Variants in ADAM22 observed in about 807,000 individuals in gnomAD.
The protein encoded by ADAM22 is disintegrin and metalloproteinase domain-containing protein 22.
ADAM22 carries 65 observed loss-of-function variants against 144.6 expected under a neutral mutation model. That is an observed-to-expected ratio of 0.45 (90% CI 0.37 to 0.55). ADAM22 has a LOEUF of 0.55. Among genes scored for constraint, ADAM22 ranks in the 20% least tolerant of loss-of-function variants. The probability of loss-of-function intolerance (pLI) is 0.00; values close to 1 mark genes in which losing one functional copy is unlikely to be tolerated. For synonymous variants in ADAM22, 391 were observed against 412.6 expected (o/e 0.95, Z 0.63); for missense variants, 974 against 1,184.9 (o/e 0.82, Z 2.61).
intron 30 of ADAM22, among the ~76,000 whole-genome samples, chr7:88,188,076 G>T (rs1848723305): frequency 6.6e-6 from 1 of 151,906 alleles, no homozygotes; most frequent in Non-Finnish European, 1.5e-5. Context: ...CTGTTATTTG[G>T]AATCTTGGCT....
chr7:88,107,236 C>G (rs948824097), intron 4 of ADAM22, among the ~76,000 whole-genome samples: 1 of 115,396 alleles, frequency 8.7e-6, no homozygotes, highest in African/African-American at 3.4e-5. Flanking sequence ...GACAGGGTCT[C>G]TATCGCCCAG....
At chr7:88,121,896 G>T (rs150713902) in intron 7 of ADAM22, among the ~76,000 whole-genome samples, 147 of 152,298 alleles carry the variant, frequency 9.7e-4, no homozygotes, top group African/African-American at 3.4e-3. Flanking sequence ...TATTGCTGAG[G>T]AATTCATTTT....
At chr7:88,046,065 T>G (rs1804618365) in intron 3 of ADAM22, among the ~76,000 whole-genome samples, 1 of 152,190 alleles carries the variant, frequency 6.6e-6, no homozygotes, top group South Asian at 2.1e-4. Flanking sequence ...GATTTCATTT[T>G]CTTTGGATGC....
intron 3 of ADAM22, among the ~76,000 whole-genome samples, chr7:88,011,564 C>T (rs1179956453): frequency 6.6e-6 from 1 of 151,402 alleles, no homozygotes; most frequent in East Asian, 1.9e-4. Context: ...AAGAAAAACA[C>T]TGCGTTTTTG....
At chr7:88,037,469 A>T (rs1801787900) in intron 3 of ADAM22, among the ~76,000 whole-genome samples, 1 of 152,180 alleles carries the variant, frequency 6.6e-6, no homozygotes, top group African/African-American at 2.4e-5. Flanking sequence ...AAAGGGAAAG[A>T]TGAGAGGACA....
At chr7:88,020,970 C>T (rs528052229) in intron 3 of ADAM22, among the ~76,000 whole-genome samples, 1 of 152,202 alleles carries the variant, frequency 6.6e-6, no homozygotes, top group South Asian at 2.1e-4. Flanking sequence ...GAGTCAGAAA[C>T]CCCTGAGAGG....
rs1176753820 is a variant in ADAM22 at position 87,963,448 on chromosome 7, A to T, written c.247-14888A>T. On this transcript the variant is annotated intron_variant, in intron 2 of 31. Coordinates refer to ENST00000413139, the MANE Select transcript of ADAM22 (RefSeq NM_001324418.2). ...CTCAGAGCAACAAGAAGTTTAAAAA[A>T]AACTATTATAAAATATAGAAAGAAT... 2.6e-5 allele frequency among the ~76,000 whole-genome samples: 4 copies of T among 152,374 alleles called. No individual in the cohort carries two copies. The East Asian group carries it at 7.7e-4, about 29-fold the overall frequency.
At chr7:88,144,128 C>T (rs1025320555) in intron 15 of ADAM22, among the ~76,000 whole-genome samples, 1 of 152,086 alleles carries the variant, frequency 6.6e-6, no homozygotes, top group Non-Finnish European at 1.5e-5. Context: ...TATTTAAAAT[C>T]AAGTGGGTTT....
chr7:88,087,167 A>T (rs1418525125), intron 4 of ADAM22, among the ~76,000 whole-genome samples: 1 of 152,192 alleles, frequency 6.6e-6, no homozygotes, highest in African/African-American at 2.4e-5. Context: ...AATGTACACC[A>T]TACATTCGGT....
At chr7:88,188,948 C>T (rs946769673) in intron 30 of ADAM22, among the ~76,000 whole-genome samples, 47 of 152,348 alleles carry the variant, frequency 3.1e-4, no homozygotes, top group African/African-American at 1.1e-3. Context: ...CCTGCCTCAG[C>T]CTCCCAGAGT....
At chr7:88,039,464 A>AAAAAAAAAAAAAAAAATATATAT in intron 3 of ADAM22, among the ~76,000 whole-genome samples, 3 of 76,404 alleles carry the variant, frequency 3.9e-5, no homozygotes, top group African/African-American at 9.5e-5. Flanking sequence ...AAAAAAAAAA[A>AAAAAAAAAAAAAAAAATATATAT]ATATATATAT....
chr7:88,137,107 A>G (rs1833165811), intron 14 of ADAM22, among the ~76,000 whole-genome samples: 2 of 152,102 alleles, frequency 1.3e-5, no homozygotes, highest in Non-Finnish European at 2.9e-5. Context: ...ACTGTATAGT[A>G]TGTATGTGTG....
At chr7:88,075,791 T>C (rs1333076573) in intron 4 of ADAM22, 99 bp downstream of exon 4, 1 of 930,944 alleles carries the variant, frequency 1.1e-6, no homozygotes, top group African/African-American at 1.7e-5. Context: ...ATGTACAGTT[T>C]TGAGGGTTTT....
chr7:88,139,528 G>C (rs1834001004), intron 14 of ADAM22, among the ~76,000 whole-genome samples: 1 of 152,086 alleles, frequency 6.6e-6, no homozygotes, highest in South Asian at 2.1e-4. Flanking sequence ...ATAGATTAGA[G>C]GAAAAGGTGA....
intron 4 of ADAM22, among the ~76,000 whole-genome samples, chr7:88,076,665 C>G (rs551337999): frequency 3.3e-5 from 5 of 152,266 alleles, no homozygotes; most frequent in African/African-American, 4.8e-5. Context: ...ATAAAAGCCT[C>G]CACCAGCTAG....
At position 88,171,509 on chromosome 7, in the gene ADAM22, T is replaced by C. The variant is rs199546460; in HGVS notation, c.2283-35T>C. 1.9e-4 allele frequency: 298 copies of C among 1,578,854 alleles called. 1 individual carries two copies. Among genetic ancestry groups the C allele is most frequent in the South Asian group, 1.4e-4 (12 of 85,066 alleles). On this transcript the variant is annotated intron_variant, in intron 25 of 31. Coordinates refer to ENST00000413139, the MANE Select transcript of ADAM22 (RefSeq NM_001324418.2). Reference sequence around the variant, plus strand: ...TCCTTCCAGAGGTAACTAACTCTTATGTTTTTCCCTCTTTCTCTTCTTGTC... The same window carrying C: ...TCCTTCCAGAGGTAACTAACTCTTACGTTTTTCCCTCTTTCTCTTCTTGTC...
At chr7:88,131,457 G>A (rs375578199) in intron 11 of ADAM22, 22 bp downstream of exon 11, 16 of 1,607,910 alleles carry the variant, frequency 1.0e-5, no homozygotes, top group Non-Finnish European at 1.4e-5. Context: ...CTGTAATGAT[G>A]TATTACTTTT....
chr7:88,007,737 T>C (rs936065446), intron 3 of ADAM22, among the ~76,000 whole-genome samples: 11 of 151,910 alleles, frequency 7.2e-5, no homozygotes, highest in African/African-American at 2.4e-4. Context: ...ACACCTTATA[T>C]AAAAATTAAT....
In ADAM22 at chr7:88,186,198, T is replaced by G. The variant is rs565604835; in HGVS notation, c.2664-417T>G. ...GTTCTTAGGGTGTTGTATGCCCAAA[T>G]GCCAGATTGGAATTGCAGCCATCTG... On this transcript the variant is annotated intron_variant, in intron 29 of 31. Coordinates refer to ENST00000413139, the MANE Select transcript of ADAM22 (RefSeq NM_001324418.2). 12 of 217,766 alleles carry G rather than the reference T, an allele frequency of 5.5e-5. No individual in the cohort carries two copies. The East Asian group carries it at 6.4e-4, about 12-fold the overall frequency. 13.5% of individuals were successfully genotyped at this position (217,766 alleles called of 1,614,324 possible).
Sources: allele counts gnomAD v4.1 joint callset (sites outside exome capture counted in the v4.1 genomes callset), GRCh38; gene constraint gnomAD v4.1.1; transcripts MANE v1.5; gene names NCBI Gene and HGNC (gene_info 2026-07-23, HGNC 2026-07-21).